GARNL3: variants seen among roughly 807,000 people sequenced by gnomAD.
GARNL3 encodes the protein GTPase-activating Rap/Ran-GAP domain-like protein 3.
In GARNL3, 63 loss-of-function variants were observed where a neutral mutation model predicts 125.0. The ratio of observed to expected loss-of-function variants is 0.50; its 90% CI spans 0.41 to 0.62. The LOEUF (loss-of-function observed/expected upper bound fraction) is 0.62. Ranked by LOEUF, GARNL3 falls within the 20% of genes least tolerant of loss-of-function variation. The pLI, the probability that GARNL3 is intolerant of heterozygous loss-of-function variation, is 0.00. For synonymous variants in GARNL3, 439 were observed against 457.5 expected (o/e 0.96, Z 0.52); for missense variants, 994 against 1,244.0 (o/e 0.80, Z 3.02).
At chr9:127,230,122 T>G (rs964078032) in intron 1 of GARNL3, among the ~76,000 whole-genome samples, 1 of 152,192 alleles carries the variant, frequency 6.6e-6, no homozygotes, top group Non-Finnish European at 1.5e-5. Flanking sequence ...GGAAGGCACA[T>G]CAGATAGTGT....
rs1445940341 is a variant in GARNL3, at chr9:127,360,595, A to G, written c.2094+3218A>G. Among the ~76,000 whole-genome samples, 4 of 152,246 alleles carry G rather than the reference A, an allele frequency of 2.6e-5. No individual in the cohort carries two copies. In the East Asian group the frequency reaches 7.7e-4, roughly 29 times the overall value. On this transcript the variant is annotated intron_variant, in intron 21 of 27. Coordinates refer to ENST00000373387, the MANE Select transcript of GARNL3 (RefSeq NM_032293.5). Reference sequence around the variant, plus strand: ...GGTTAGAAATAGGCCTTGTGGGAACAGGACTAGCTTTTTACCAAGATGTTC... The same window carrying G: ...GGTTAGAAATAGGCCTTGTGGGAACGGGACTAGCTTTTTACCAAGATGTTC...
chr9:127,250,682 C>G (rs928750126), intron 2 of GARNL3, among the ~76,000 whole-genome samples: 1 of 152,034 alleles, frequency 6.6e-6, no homozygotes, highest in African/African-American at 2.4e-5. Flanking sequence ...CAGGCACAGT[C>G]GAGATTTTCA....
chr9:127,310,098 T>C (rs1161892372), intron 2 of GARNL3, among the ~76,000 whole-genome samples: 1 of 152,210 alleles, frequency 6.6e-6, no homozygotes, highest in East Asian at 1.9e-4. Context: ...AGTTAATTGA[T>C]AAATGATTTG....
At chr9:127,256,902 G>A (rs1415437778) in intron 2 of GARNL3, among the ~76,000 whole-genome samples, 1 of 152,136 alleles carries the variant, frequency 6.6e-6, no homozygotes, top group African/African-American at 2.4e-5. Context: ...GTATTTACCT[G>A]TATTCACAGA....
At position 127,354,407 on chromosome 9, in the gene GARNL3, A is replaced by G; in HGVS notation, c.1756A>G (p.Lys586Glu). 1 of 1,592,792 alleles carries G rather than the reference A, an allele frequency of 6.3e-7. No individual in the cohort carries two copies. The highest frequency in any genetic ancestry group is 1.1e-5 in the South Asian group (1 of 90,028). Residue 586 changes from lysine (K) to glutamate (E), a missense_variant, in exon 19 of 28, where the codon AAA (lysine) becomes GAA (glutamate). This residue lies in a region of GARNL3 where 728 missense variants were observed against 865.7 expected (regional missense o/e 0.84). Transcript: ENST00000373387. ...DCRENKLEKTKGCHLYAINTH... is the reference protein window; with the variant it reads ...DCRENKLEKTEGCHLYAINTH... ...CAGAGAAAACAAGTTGGAGAAAACA[A>G]AAGGTGACTTGATAGATTGGTAGAT... is the stretch of plus-strand genomic sequence containing the variant.
intron 4 of GARNL3, among the ~76,000 whole-genome samples, chr9:127,314,297 C>G (rs1015177155): frequency 6.6e-6 from 1 of 152,204 alleles, no homozygotes; most frequent in African/African-American, 2.4e-5. Flanking sequence ...TTTGCAGCCA[C>G]TGAGTTGCTA....
intron 2 of GARNL3, among the ~76,000 whole-genome samples, chr9:127,292,451 G>C (rs2064451231): frequency 6.6e-6 from 1 of 152,186 alleles, no homozygotes; most frequent in Admixed American, 6.5e-5. Flanking sequence ...CAGAGGCATT[G>C]AGTTATTGCT....
chr9:127,327,465 G>A (rs1216947730), intron 7 of GARNL3, among the ~76,000 whole-genome samples: 5 of 152,170 alleles, frequency 3.3e-5, no homozygotes, highest in Admixed American at 2.0e-4. Flanking sequence ...TACAAAGAAG[G>A]GGCTGAAAGG....
At chr9:127,285,603 C>T (rs2064228287) in intron 1 of GARNL3, among the ~76,000 whole-genome samples, 3 of 152,244 alleles carry the variant, frequency 2.0e-5, no homozygotes, top group South Asian at 4.1e-4. Flanking sequence ...GAGAAATGTA[C>T]TAAAATTTCC....
chr9:127,385,120 C>A lies in GARNL3; in HGVS notation c.2363C>A (p.Pro788Gln). 6.2e-7 allele frequency: 1 copy of A among 1,607,296 alleles called. No homozygotes were observed. Among genetic ancestry groups the A allele is most frequent in the Non-Finnish European group, 8.5e-7 (1 of 1,175,982 alleles). Residue 788 changes from proline (P) to glutamine (Q), a missense_variant, in exon 24 of 28, where the codon CCG (proline) becomes CAG (glutamine). Physicochemically the swap from Pro to Gln is moderately conservative, Grantham distance 76 (BLOSUM62 -1). Around this residue, in one of 5 missense-constraint regions of GARNL3, gnomAD observed 728 missense variants for 865.7 expected, o/e 0.84. Transcript: ENST00000373387. This position sits in a 1 kb window ranked among gnomAD's most constrained non-coding sequence, Gnocchi z 4.1. The part of the protein sequence containing the change: ...NGNLVHTAVV[P>Q]QLQLVASRSD... ...AACCTGGTCCACACTGCAGTCGTGCCGCAGCTGCAGCTGGTGGCCTCCAGG... is the reference window on the plus strand; with the variant it reads ...AACCTGGTCCACACTGCAGTCGTGCAGCAGCTGCAGCTGGTGGCCTCCAGG...
intron 16 of GARNL3, among the ~76,000 whole-genome samples, chr9:127,346,733 A>G (rs1360402214): frequency 6.6e-6 from 1 of 152,138 alleles, no homozygotes; most frequent in African/African-American, 2.4e-5. Flanking sequence ...AGAGGGCCCC[A>G]TGGGCTGCTG....
At chr9:127,235,645 T>G (rs2063097320) in intron 1 of GARNL3, among the ~76,000 whole-genome samples, 1 of 152,120 alleles carries the variant, frequency 6.6e-6, no homozygotes. Context: ...GTTTTTTTGT[T>G]TTTTTGTTTT....
At chr9:127,294,176 G>T (rs528443666) in intron 2 of GARNL3, among the ~76,000 whole-genome samples, 1 of 152,282 alleles carries the variant, frequency 6.6e-6, no homozygotes, top group Non-Finnish European at 1.5e-5. Context: ...ATTCAATTTT[G>T]CTGGGATTGA....
chr9:127,282,322 A>G (rs563914239), intron 1 of GARNL3, among the ~76,000 whole-genome samples: 2 of 152,362 alleles, frequency 1.3e-5, no homozygotes, highest in South Asian at 2.1e-4. Context: ...ATTAATCACT[A>G]TCATATTACT....
intron 2 of GARNL3, among the ~76,000 whole-genome samples, chr9:127,248,596 CTTTTTTTTT>C (rs745331884): frequency 2.0e-4 from 15 of 74,586 alleles, no homozygotes; most frequent in Non-Finnish European, 3.2e-4. Context: ...TTTTTCTTTT[CTTTTTTTTT>C]TTTTTTTTTT....
chr9:127,243,886 A>C (rs1297773596), intron 2 of GARNL3, among the ~76,000 whole-genome samples: 1 of 152,226 alleles, frequency 6.6e-6, no homozygotes, highest in African/African-American at 2.4e-5. Flanking sequence ...AATAAAGATG[A>C]TACAAGAGAG....
intron 2 of GARNL3, among the ~76,000 whole-genome samples, chr9:127,253,405 A>G (rs1371969938): frequency 6.6e-6 from 1 of 152,182 alleles, no homozygotes; most frequent in Non-Finnish European, 1.5e-5. Flanking sequence ...ATTCATTCAC[A>G]CTTTCATTTA....
intron 20 of GARNL3, among the ~76,000 whole-genome samples, 172 bp from the exon 21 acceptor site, chr9:127,357,047 C>T (rs116027211): frequency 0.034 from 5,210 of 152,316 alleles, 204 homozygotes; most frequent in African/African-American, 0.097. Context: ...AAGGAGATGT[C>T]GGATGTGACC....
chr9:127,313,084 G>A (rs542925738), intron 3 of GARNL3, among the ~76,000 whole-genome samples: 6 of 152,164 alleles, frequency 3.9e-5, no homozygotes, highest in Non-Finnish European at 8.8e-5. Flanking sequence ...GGCTGGCCCT[G>A]TTCAGGGTCA....
Sources: allele counts gnomAD v4.1 joint callset (sites outside exome capture counted in the v4.1 genomes callset), GRCh38; gene constraint gnomAD v4.1.1; regional missense constraint gnomAD v4.1.1; non-coding constraint Gnocchi (gnomAD v3.1); transcripts MANE v1.5; gene names NCBI Gene and HGNC (gene_info 2026-07-23, HGNC 2026-07-21).